Variants in PRDM1 observed in about 807,000 individuals in gnomAD.
The protein encoded by PRDM1 is PR/SET domain 1, also known as PR domain zinc finger protein 1.
PRDM1 carries 13 observed loss-of-function variants against 62.8 expected under a neutral mutation model. The ratio of observed to expected loss-of-function variants is 0.21; its 90% confidence interval spans 0.13 to 0.33. PRDM1 has a LOEUF of 0.33. PRDM1 is among the 10% of genes least tolerant of loss of function. The pLI, the probability that PRDM1 is intolerant of heterozygous loss-of-function variation, is 1.00. For synonymous variants in PRDM1, 396 were observed against 417.6 expected, an observed-to-expected ratio of 0.95 and a Z score of 0.63; for missense variants, 895 against 1,058.8, an observed-to-expected ratio of 0.85 and a Z score of 2.15.
intron 1 of PRDM1, among the ~76,000 whole-genome samples, chr6:106,073,105 CTTTTTT>C (rs202236727): frequency 1.5e-5 from 2 of 137,658 alleles, no homozygotes; most frequent in Admixed American, 7.3e-5. Flanking sequence ...TTCCTCTTTT[CTTTTTT>C]TTTTTTTTTT....
At chr6:106,009,149 TG>T (rs1772516112) in intron 1 of PRDM1, among the ~76,000 whole-genome samples, 1 of 152,244 alleles carries the variant, frequency 6.6e-6, no homozygotes, top group Non-Finnish European at 1.5e-5. Flanking sequence ...CTCTTGGTAT[TG>T]GTTCTCAGCA....
At chr6:106,070,378 A>G (rs945908842) in intron 1 of PRDM1, among the ~76,000 whole-genome samples, 2 of 152,174 alleles carry the variant, frequency 1.3e-5, no homozygotes, top group Non-Finnish European at 2.9e-5. Flanking sequence ...GCATTCTTTC[A>G]TATCACATTT....
chr6:106,106,418 T>C lies in PRDM1; in HGVS notation c.1821T>C (p.Thr607=). 1 of 1,614,180 alleles carries C rather than the reference T, an allele frequency of 6.2e-7. No individual in the cohort carries two copies. The highest frequency in any genetic ancestry group is 8.5e-7 in the Non-Finnish European group (1 of 1,180,032). ...GAGAACGGCCTTTCAAATGTCAGAC[T>C]TGCAACAAGGGCTTTACTCAGCTCG... ...HSGERPFKCQ[T]CNKGFTQLAH... Residue 607 remains threonine (T), a synonymous_variant, in exon 6 of 7, where the codon ACT becomes ACC. Transcript: ENST00000369096. The surrounding 1 kb of genome is among the most constrained non-coding windows in gnomAD (Gnocchi z 4.4).
upstream of PRDM1, among the ~76,000 whole-genome samples, chr6:106,083,436 G>A (rs747363593): frequency 1.1e-4 from 17 of 151,792 alleles, no homozygotes; most frequent in Non-Finnish European, 1.8e-4. Context: ...TGGAGTTCAG[G>A]TCTCCAGATT....
chr6:106,101,600 T>A (rs915501286), intron 4 of PRDM1, among the ~76,000 whole-genome samples: 1 of 152,236 alleles, frequency 6.6e-6, no homozygotes, highest in Non-Finnish European at 1.5e-5. Flanking sequence ...ACCAGTCACA[T>A]TAAAACAAGA....
intron 1 of PRDM1, chr6:106,087,521 T>C (rs1773840032): frequency 2.6e-5 from 6 of 232,688 alleles, no homozygotes; most frequent in Admixed American, 1.7e-4. Flanking sequence ...CCTCCTCTTT[T>C]CCTGTGGTCC....
At chr6:106,050,329 C>CT (rs1239234554) in intron 1 of PRDM1, among the ~76,000 whole-genome samples, 2 of 152,140 alleles carry the variant, frequency 1.3e-5, no homozygotes, top group African/African-American at 4.8e-5. Flanking sequence ...AAGTTATACT[C>CT]TACTATATTA....
chr6:106,043,049 C>T (rs1773025882), intron 1 of PRDM1, among the ~76,000 whole-genome samples: 1 of 152,144 alleles, frequency 6.6e-6, no homozygotes, highest in Non-Finnish European at 1.5e-5. Flanking sequence ...CAGGGTTTCA[C>T]CATGTTGGCC....
At chr6:106,023,931 C>T (rs575379386) in intron 1 of PRDM1, among the ~76,000 whole-genome samples, 1 of 152,284 alleles carries the variant, frequency 6.6e-6, no homozygotes, top group East Asian at 1.9e-4. Flanking sequence ...TACTTGAGAA[C>T]AGGAGTTTGA....
chr6:106,089,368 A>G (rs1422444177), intron 2 of PRDM1, among the ~76,000 whole-genome samples: 1 of 152,192 alleles, frequency 6.6e-6, no homozygotes, highest in Non-Finnish European at 1.5e-5. Context: ...AAGTAGGGAA[A>G]GGGGATGGTT....
In PRDM1 at chr6:106,098,062, C is replaced by T. The variant is rs967520317; in HGVS notation, c.412-1238C>T. On this transcript the variant is annotated intron_variant, in intron 3 of 6. Coordinates refer to ENST00000369096, the MANE Select transcript of PRDM1 (RefSeq NM_001198.4). ...CAGAGTTCCTTTTTATTTCTGATAA[C>T]GTTTGAGCGAAATACAGAAACTATC... 6 of 283,686 alleles carry T rather than the reference C, an allele frequency of 2.1e-5. No homozygotes were observed. In the South Asian group the frequency reaches 5.4e-4, roughly 26 times the overall value. The allele number at this position is 283,686 out of a possible 1,614,324, so 17.6% of individuals were successfully genotyped here.
intron 1 of PRDM1, among the ~76,000 whole-genome samples, chr6:106,066,166 G>A (rs887784080): frequency 7.2e-5 from 11 of 152,224 alleles, no homozygotes; most frequent in African/African-American, 2.4e-4. Context: ...GATTCTGTGC[G>A]TGGTCATTAA....
In PRDM1 at chr6:106,109,607, G is replaced by A. The variant is rs1022850847; in HGVS notation, c.*2121G>A. On this transcript the variant is annotated 3_prime_UTR_variant, in exon 7 of 7. Transcript: ENST00000369096. ...AACTGAAGGTAAACCAAAGCATCAC[G>A]TTGACATTAGACCAAATACTTTTGA... The A allele has an allele frequency of 1.7e-5, 4 of 233,342 alleles. No individual in the cohort carries two copies. Among genetic ancestry groups the A allele is most frequent in the East Asian group, 6.0e-5 (1 of 16,630 alleles). The allele number at this position is 233,342 out of a possible 1,614,324, so 14.5% of individuals were successfully genotyped here.
At chr6:105,998,900 TATATATATATATATATATATATATATA>T in intron 1 of PRDM1, among the ~76,000 whole-genome samples, 1 of 3,800 alleles carries the variant, frequency 2.6e-4, no homozygotes. Flanking sequence ...CATATATATA[TATATATATATATATATATATATATATA>T]TATATATTTT....
At chr6:106,053,468 AG>A (rs1380785271) in intron 1 of PRDM1, among the ~76,000 whole-genome samples, 1 of 151,822 alleles carries the variant, frequency 6.6e-6, no homozygotes. Context: ...AACACAGTTG[AG>A]ACCCCAATTT....
At chr6:106,079,816 A>C (rs1192797934) in intron 1 of PRDM1, among the ~76,000 whole-genome samples, 1 of 152,210 alleles carries the variant, frequency 6.6e-6, no homozygotes, top group Non-Finnish European at 1.5e-5. Context: ...CAAACAACAA[A>C]AAAAACCCAA....
At chr6:105,998,909 A>T (rs373594955) in intron 1 of PRDM1, among the ~76,000 whole-genome samples, 1 of 59,700 alleles carries the variant, frequency 1.7e-5, no homozygotes, top group Non-Finnish European at 3.6e-5. Context: ...ATATATATAT[A>T]TATATATATA....
intron 2 of PRDM1, among the ~76,000 whole-genome samples, chr6:106,089,479 G>T (rs1984224): frequency 0.67 from 101,833 of 151,994 alleles, 34,351 homozygotes; most frequent in East Asian, 0.74. Flanking sequence ...GAATCCGGGA[G>T]ACTAGGAAAT....
intron 1 of PRDM1, among the ~76,000 whole-genome samples, chr6:106,037,923 G>T (rs139437349): frequency 6.7e-6 from 1 of 149,826 alleles, no homozygotes; most frequent in African/African-American, 2.5e-5. Context: ...TATGTGTCTT[G>T]TGATTGTTGC....
Sources: gnomAD v4.1 joint callset for allele counts (sites outside exome capture counted in the v4.1 genomes callset) on GRCh38, gnomAD v4.1.1 for gene constraint, Gnocchi (gnomAD v3.1) non-coding constraint, MANE v1.5 for transcripts, NCBI Gene and HGNC (gene_info 2026-07-23, HGNC 2026-07-21) for gene names.